Variants in CAMSAP2 observed in about 807,000 individuals in gnomAD.
CAMSAP2 encodes the protein calmodulin regulated spectrin associated protein family member 2, also known as calmodulin-regulated spectrin-associated protein 2.
Under a neutral mutation model 146.1 loss-of-function variants are expected in CAMSAP2, and 26 were observed. The ratio of observed to expected loss-of-function variants is 0.18; its 90% CI spans 0.13 to 0.25. CAMSAP2 has a LOEUF of 0.25. Among genes scored for constraint, CAMSAP2 ranks in the 10% least tolerant of loss-of-function variants. The pLI is 1.00. For missense variants in CAMSAP2, 1,381 were observed against 1,759.3 expected (o/e 0.78, Z 3.85); for synonymous variants, 499 against 596.6 (o/e 0.84, Z 2.38).
chr1:200,807,389 C>T lies in CAMSAP2; in HGVS notation c.413C>T (p.Ala138Val). ...TTATATTTTCAGAGTGCACATTTGGCCATGATCGATACCCTCATGATGGCT... is the reference window on the plus strand; with the variant it reads ...TTATATTTTCAGAGTGCACATTTGGTCATGATCGATACCCTCATGATGGCT... ...KKPIQMSAHL[A>V]MIDTLMMAYT... is the part of the protein sequence containing the mutation. Residue 138 changes from alanine (A) to valine (V), a missense_variant, in exon 3 of 17, where the codon GCC becomes GTC. Around this residue, in one of 4 missense-constraint regions of CAMSAP2, gnomAD observed 284 missense variants for 406.9 expected, o/e 0.70. Transcript: ENST00000358823. 2 of 1,540,770 alleles carry T rather than the reference C, an allele frequency of 1.3e-6. No individual in the cohort carries two copies. The highest frequency in any genetic ancestry group is 1.8e-6 in the Non-Finnish European group (2 of 1,140,716).
chr1:200,856,256 G>A, intron 15 of CAMSAP2, 131 bp downstream of exon 15: 1 of 637,036 alleles, frequency 1.6e-6, no homozygotes, highest in Non-Finnish European at 2.8e-6. Context: ...GTGAATGCAG[G>A]TGGTCACTTT....
chr1:200,818,680 C>G (rs891524136), intron 4 of CAMSAP2, among the ~76,000 whole-genome samples: 1 of 152,098 alleles, frequency 6.6e-6, no homozygotes, highest in African/African-American at 2.4e-5. Flanking sequence ...GGTCTGTTAC[C>G]TAACAATGGG....
chr1:200,848,133 A>T lies in CAMSAP2; in HGVS notation c.1364A>T (p.Glu455Val), dbSNP rs1318776809. The change falls in exon 11 of 17, where the codon GAA (glutamate) becomes GTA (valine). Residue 455 changes from glutamate to valine, a missense_variant. Glu to Val is a moderately radical substitution (Grantham distance 121). Coordinates refer to ENST00000358823, the MANE Select transcript of CAMSAP2 (RefSeq NM_203459.4). Reference sequence around the variant, plus strand: ...GGAATCACTCGTTCTATTAGTAATGAAGGACTTACTCTGAACAACAGTCAT... The same window carrying T: ...GGAATCACTCGTTCTATTAGTAATGTAGGACTTACTCTGAACAACAGTCAT... ...NRGITRSISN[E>V]GLTLNNSHVS... 1 of 1,613,014 alleles carries T rather than the reference A, an allele frequency of 6.2e-7. No individual in the cohort carries two copies. Among genetic ancestry groups the T allele is most frequent in the Non-Finnish European group, 8.5e-7 (1 of 1,179,408 alleles).
intron 2 of CAMSAP2, among the ~76,000 whole-genome samples, chr1:200,788,649 T>C (rs1665661446): frequency 6.6e-6 from 1 of 150,898 alleles, no homozygotes; most frequent in African/African-American, 2.4e-5. Flanking sequence ...TTTTCTTTTT[T>C]TTTTTTTTTG....
intron 2 of CAMSAP2, among the ~76,000 whole-genome samples, chr1:200,763,038 T>C (rs562932378): frequency 1.3e-5 from 2 of 152,228 alleles, no homozygotes; most frequent in East Asian, 3.9e-4. Context: ...TAGCTGAGAT[T>C]ATAGGCGTGC....
Position 200,848,122 on chromosome 1 carries a change from T to C in CAMSAP2, c.1353T>C (p.Ser451=). The C allele has an allele frequency of 6.2e-6, 10 of 1,612,428 alleles. No individual in the cohort carries two copies. The highest frequency in any genetic ancestry group is 8.5e-6 in the Non-Finnish European group (10 of 1,179,118). Reference sequence around the variant, plus strand: ...CTCCAAACCGAGGAATCACTCGTTCTATTAGTAATGAAGGACTTACTCTGA... The same window carrying C: ...CTCCAAACCGAGGAATCACTCGTTCCATTAGTAATGAAGGACTTACTCTGA... ...RSTPNRGITR[S]ISNEGLTLNN... Residue 451 remains serine (S), a synonymous_variant, in exon 11 of 17, where the codon TCT becomes TCC. Coordinates refer to ENST00000358823, the MANE Select transcript of CAMSAP2 (RefSeq NM_203459.4).
At position 200,832,195 on chromosome 1, in the gene CAMSAP2, C is replaced by T. The variant is rs555340857; in HGVS notation, c.646-5C>T. 43 of 1,595,222 alleles carry T rather than the reference C, an allele frequency of 2.7e-5. No homozygotes were observed. In the South Asian group the frequency reaches 2.9e-4, roughly 11 times the overall value. On this transcript the variant is annotated splice_region_variant and splice_polypyrimidine_tract_variant and intron_variant, in intron 4 of 16. Coordinates refer to ENST00000358823, the MANE Select transcript of CAMSAP2 (RefSeq NM_203459.4). The surrounding 1 kb of genome is among the most constrained non-coding windows in gnomAD (Gnocchi z 4.2). ...TTATTTTCATGTATTTTTTTTATAT[C>T]GTAGGCTCGTTATCGGAAAGAGCAA...
chr1:200,802,183 T>C (rs1666051898), intron 2 of CAMSAP2, among the ~76,000 whole-genome samples: 1 of 152,238 alleles, frequency 6.6e-6, no homozygotes, highest in South Asian at 2.1e-4. Flanking sequence ...AGTAATTCAA[T>C]GGCAAAGTAT....
rs2102236279 is a variant in CAMSAP2 at position 200,841,944 on chromosome 1, T to G, written c.928-50T>G. On this transcript the variant is annotated intron_variant, in intron 6 of 16. Transcript: ENST00000358823. ...TATTTTAAAACAATAAAATTCTGTT[T>G]ATCATGAAGTTTTACCTAATGTAGG... 4 of 1,256,896 alleles carry G rather than the reference T, an allele frequency of 3.2e-6. No homozygotes were observed. In the East Asian group the frequency reaches 9.3e-5, roughly 29 times the overall value. The allele number at this position is 1,256,896 out of a possible 1,614,324, so 77.9% of individuals were successfully genotyped here. A position where few individuals can be genotyped will look rare whatever the true frequency, so the allele number is the denominator to read the frequency against.
At position 200,738,962 on chromosome 1, in the gene CAMSAP2, G is replaced by A. The variant is rs1269684043; in HGVS notation, c.-866G>A. On this transcript the variant is annotated 5_prime_UTR_variant, in exon 1 of 17. Coordinates refer to ENST00000358823, the MANE Select transcript of CAMSAP2 (RefSeq NM_203459.4). ...CGCAGCGGCGGCGGCGGCGGCTGAG[G>A]GGGAACGATCCAGCGAGCTGCAGAA... is the stretch of plus-strand genomic sequence containing the variant. Among the ~76,000 whole-genome samples the A allele has an allele frequency of 1.3e-5, 2 of 152,090 alleles. No homozygotes were observed. The highest frequency in any genetic ancestry group is 4.8e-5 in the African/African-American group (2 of 41,432).
chr1:200,853,259 C>A lies in CAMSAP2; in HGVS notation c.3603-16C>A. ...TTGGTATGCAGAATAAGAACTGTAA[C>A]CATTTGATTTCTTAGGCGTAAAACT... On this transcript the variant is annotated splice_polypyrimidine_tract_variant and intron_variant, in intron 12 of 16. Transcript: ENST00000358823. This position sits in a 1 kb window ranked among gnomAD's most constrained non-coding sequence, Gnocchi z 5.1. 6.2e-7 allele frequency: 1 copy of A among 1,606,732 alleles called. No individual in the cohort carries two copies. Among genetic ancestry groups the A allele is most frequent in the African/African-American group, 1.3e-5 (1 of 74,736 alleles).
At chr1:200,756,841 G>A (rs1204278971) in intron 1 of CAMSAP2, among the ~76,000 whole-genome samples, 1 of 152,052 alleles carries the variant, frequency 6.6e-6, no homozygotes, top group Admixed American at 6.5e-5. Flanking sequence ...CGTACCAGGC[G>A]CTGAGTTAGG....
intron 3 of CAMSAP2, among the ~76,000 whole-genome samples, chr1:200,813,894 T>C (rs190355718): frequency 2.0e-5 from 3 of 150,158 alleles, no homozygotes; most frequent in Admixed American, 1.3e-4. Flanking sequence ...AGTCCAGGAG[T>C]TTAAGACCAA....
intron 9 of CAMSAP2, 104 bp downstream of exon 9, chr1:200,847,396 T>C: frequency 1.3e-6 from 1 of 794,804 alleles, no homozygotes; most frequent in Non-Finnish European, 2.0e-6. Context: ...TTTTTTTGTG[T>C]GTGTGTGTGT....
rs1667506481 is a variant in CAMSAP2, at chr1:200,848,025, T to C, written c.1263-7T>C. The C allele has an allele frequency of 4.0e-6, 6 of 1,486,420 alleles. No individual in the cohort carries two copies. The highest frequency in any genetic ancestry group is 5.4e-6 in the Non-Finnish European group (6 of 1,115,092). The allele number at this position is 1,486,420 out of a possible 1,614,324, so 92.1% of individuals were successfully genotyped here. A position where few individuals can be genotyped will look rare whatever the true frequency, so the allele number is the denominator to read the frequency against. On this transcript the variant is annotated splice_polypyrimidine_tract_variant and splice_region_variant and intron_variant, in intron 10 of 16. Transcript: ENST00000358823. Reference sequence around the variant, plus strand: ...TTAAAGGATTTTTCTCTTTAACTTTTTTTTAGATCATCAGTGCATGGCGTA... The same window carrying C: ...TTAAAGGATTTTTCTCTTTAACTTTCTTTTAGATCATCAGTGCATGGCGTA...
intron 2 of CAMSAP2, among the ~76,000 whole-genome samples, chr1:200,790,884 G>T (rs1393053181): frequency 1.3e-5 from 2 of 150,646 alleles, no homozygotes; most frequent in East Asian, 3.9e-4. Context: ...TGCTCTTGTT[G>T]CCCAGGCTGG....
intron 2 of CAMSAP2, among the ~76,000 whole-genome samples, chr1:200,779,862 T>C (rs1018259986): frequency 2.6e-5 from 4 of 152,226 alleles, no homozygotes; most frequent in Non-Finnish European, 4.4e-5. Context: ...AGTGATCTTA[T>C]AGATTTTTCA....
At chr1:200,828,158 G>A (rs1571806354) in intron 4 of CAMSAP2, among the ~76,000 whole-genome samples, 2 of 152,064 alleles carry the variant, frequency 1.3e-5, no homozygotes, top group African/African-American at 2.4e-5. Flanking sequence ...GCTTTTTGGG[G>A]AATATTGCCT....
chr1:200,740,614 A>G (rs551231275), intron 1 of CAMSAP2, among the ~76,000 whole-genome samples: 1 of 152,294 alleles, frequency 6.6e-6, no homozygotes, highest in South Asian at 2.1e-4. Context: ...TCTTTTTTCC[A>G]AATGTATTTT....
Sources: gnomAD v4.1 joint callset for allele counts (sites outside exome capture counted in the v4.1 genomes callset) on GRCh38, gnomAD v4.1.1 for gene constraint, gnomAD v4.1.1 regional missense constraint, Gnocchi (gnomAD v3.1) non-coding constraint, MANE v1.5 for transcripts, NCBI Gene and HGNC (gene_info 2026-07-23, HGNC 2026-07-21) for gene names.